Variants in TTN observed in about 807,000 individuals in gnomAD.
TTN encodes the protein titin, also known as connectin.
TTN carries 1,525 observed loss-of-function variants against 3,223.0 expected under a neutral mutation model. The observed-to-expected ratio is 0.47, with a 90% CI of 0.45 to 0.49. TTN has a LOEUF of 0.49. Ranked by LOEUF, TTN falls within the 20% of genes least tolerant of loss-of-function variation. The pLI, the probability that TTN is intolerant of heterozygous loss-of-function variation, is 0.00. For synonymous variants in TTN, 14,094 were observed against 15,161.0 expected (o/e 0.93, Z 5.17); for missense variants, 40,786 against 43,424.0 (o/e 0.94, Z 5.40).
chr2:178,654,156 G>A (rs923316611), intron 193 of TTN, 52 bp downstream of exon 193: 4 of 1,590,836 alleles, frequency 2.5e-6, no homozygotes, highest in African/African-American at 1.3e-5. Flanking sequence ...TACAGTGATT[G>A]TGAGGGGTAC....
rs760185866 is a variant in TTN, at chr2:178,530,460, C to T, written c.106155G>A (p.Lys35385=). Residue 35385 remains lysine, a synonymous_variant, in exon 358 of 363, where the codon AAG becomes AAA. Coordinates refer to ENST00000589042, the MANE Select transcript of TTN (RefSeq NM_001267550.2). The part of the protein sequence containing the change: ...MGQAFKSIHE[K]VSKISETKKS... Reference sequence around the variant, plus strand: ...TCTTAGTTTCTGATATTTTTGATACCTTCTCATGGATACTCTTAAAGGCTT... The same window carrying T: ...TCTTAGTTTCTGATATTTTTGATACTTTCTCATGGATACTCTTAAAGGCTT... 1.9e-6 allele frequency: 3 copies of T among 1,613,904 alleles called. No individual in the cohort carries two copies. Among genetic ancestry groups the T allele is most frequent in the Non-Finnish European group, 1.7e-6 (2 of 1,179,858 alleles).
chr2:178,596,138 G>A (rs914529507), intron 294 of TTN, among the ~76,000 whole-genome samples: 1 of 151,864 alleles, frequency 6.6e-6, no homozygotes, highest in Non-Finnish European at 1.5e-5. Context: ...CTACAGGCAT[G>A]TGCCACCATA....
At chr2:178,721,806 A>G (rs2078409507) in intron 78 of TTN, 41 bp downstream of exon 78, 2 of 1,439,200 alleles carry the variant, frequency 1.4e-6, no homozygotes, top group Non-Finnish European at 1.8e-6. Flanking sequence ...TTATGCAAAT[A>G]TGGTAAGGAA....
Position 178,732,173 on chromosome 2 carries a change from G to A in TTN, c.16796C>T (p.Ala5599Val), listed in dbSNP as rs1194013551. Residue 5599 changes from alanine (A) to valine (V), a missense_variant, in exon 57 of 363, where the codon GCA (alanine) becomes GTA (valine). Transcript: ENST00000589042. ...KHRMSFVEST[A>V]VLRLTDVGIE... Reference sequence around the variant, plus strand: ...GCCAACATCTGTCAGTCTTAGAACTGCAGTAGACTCCACAAAAGACATTCT... The same window carrying A: ...GCCAACATCTGTCAGTCTTAGAACTACAGTAGACTCCACAAAAGACATTCT... The A allele has an allele frequency of 1.2e-6, 2 of 1,613,792 alleles. No individual in the cohort carries two copies. Among genetic ancestry groups the A allele is most frequent in the South Asian group, 2.2e-5 (2 of 91,074 alleles).
intron 47 of TTN, 47 bp downstream of exon 47, chr2:178,753,077 A>C: frequency 6.7e-7 from 1 of 1,490,892 alleles, no homozygotes; most frequent in Non-Finnish European, 9.3e-7. Context: ...GGATCCTATT[A>C]ATCCTTTAGA....
chr2:178,788,997 A>G (rs2093350740), intron 13 of TTN, among the ~76,000 whole-genome samples: 2 of 152,098 alleles, frequency 1.3e-5, no homozygotes, highest in East Asian at 3.8e-4. Flanking sequence ...TCTTCTTGAC[A>G]GTGAGTAAGA....
intron 295 of TTN, 74 bp downstream of exon 295, chr2:178,595,433 A>T: frequency 7.1e-7 from 1 of 1,403,008 alleles, no homozygotes; most frequent in Non-Finnish European, 9.7e-7. Flanking sequence ...ATTTATACAC[A>T]TATTTTTTCA....
rs772125136 is a variant in TTN at position 178,693,601 on chromosome 2, A to T, written c.31594+8T>A. Reference sequence around the variant, plus strand: ...AAAGAGTTTAAACTTAGAATGAATTACTAATACCTTTAGGTGGTGGTTCAA... The same window carrying T: ...AAAGAGTTTAAACTTAGAATGAATTTCTAATACCTTTAGGTGGTGGTTCAA... On this transcript the variant is annotated splice_region_variant and intron_variant, in intron 119 of 362. Coordinates refer to ENST00000589042, the MANE Select transcript of TTN (RefSeq NM_001267550.2). 1 of 1,552,576 alleles carries T rather than the reference A, an allele frequency of 6.4e-7. No homozygotes were observed. The highest frequency in any genetic ancestry group is 8.8e-7 in the Non-Finnish European group (1 of 1,142,754).
intron 47 of TTN, chr2:178,750,270 G>C (rs2154329953): frequency 6.2e-7 from 1 of 1,613,240 alleles, no homozygotes; most frequent in African/African-American, 1.3e-5. Context: ...GGGACTTTAT[G>C]TGCTTTGACA....
chr2:178,563,742 A>G lies in TTN; in HGVS notation c.82390T>C (p.Cys27464Arg), dbSNP rs1704578437. The change falls in exon 326 of 363, where the codon TGT becomes CGT. Residue 27464 changes from cysteine to arginine, a missense_variant. Physicochemically the swap from Cys to Arg is radical, Grantham distance 180 (BLOSUM62 -3). Transcript: ENST00000589042. The surrounding 1 kb of genome is among the most constrained non-coding windows in gnomAD (Gnocchi z 4.5). ...GGACCTGGTGGCTTATAAGGATTACAGGCCGTAACAGGCCCAGATTCCAAG... is the reference window on the plus strand; with the variant it reads ...GGACCTGGTGGCTTATAAGGATTACGGGCCGTAACAGGCCCAGATTCCAAG... ...EPLESGPVTA[C>R]NPYKPPGPPS... 6.2e-7 allele frequency: 1 copy of G among 1,613,588 alleles called. No homozygotes were observed. The highest frequency in any genetic ancestry group is 1.7e-5 in the Admixed American group (1 of 59,960).
In TTN at chr2:178,528,540, T is replaced by C; in HGVS notation, c.107211A>G (p.Lys35737=). ...TAATTAAACTTACTGGCAGGTTGTT[T>C]TTAAACCATTCGATTTCAGGGGATG... The part of the protein sequence containing the change: ...GEPSPEIEWF[K]NNLPISISSN... Residue 35737 remains lysine, a synonymous_variant, in exon 360 of 363, where the codon AAA becomes AAG. Coordinates refer to ENST00000589042, the MANE Select transcript of TTN (RefSeq NM_001267550.2). The C allele has an allele frequency of 6.2e-7, 1 of 1,608,636 alleles. No individual in the cohort carries two copies. The highest frequency in any genetic ancestry group is 8.5e-7 in the Non-Finnish European group (1 of 1,176,586).
At position 178,713,993 on chromosome 2, in the gene TTN, T is replaced by C. The variant is rs879115210; in HGVS notation, c.26665A>G (p.Ile8889Val). 1.9e-6 allele frequency: 3 copies of C among 1,613,662 alleles called. No homozygotes were observed. The highest frequency in any genetic ancestry group is 2.5e-6 in the Non-Finnish European group (3 of 1,179,698). The change falls in exon 92 of 363, where the codon ATC (isoleucine) becomes GTC (valine). Residue 8889 changes from isoleucine to valine, a missense_variant. Transcript: ENST00000589042. ...SFFNKVSGLK[I>V]INVAPSDSGV... ...CTGTCACTCGGTGCTACATTGATGA[T>C]CTTAAGGCCGGATACTTTGTTGAAG...
In TTN at chr2:178,783,070, G is replaced by A. The variant is rs2154350132; in HGVS notation, c.2842-6C>T. 1 of 1,613,790 alleles carries A rather than the reference G, an allele frequency of 6.2e-7. No homozygotes were observed. Among genetic ancestry groups the A allele is most frequent in the Admixed American group, 1.7e-5 (1 of 60,012 alleles). The stretch of plus-strand genomic sequence containing the variant: ...ACAGTCACATTTTTTAAGCCCTGAA[G>A]AGAGGAGAAAAAATAAATAATGATA... On this transcript the variant is annotated splice_polypyrimidine_tract_variant and splice_region_variant and intron_variant, in intron 17 of 362. Transcript: ENST00000589042.
chr2:178,747,073 G>T (rs2083814449), intron 47 of TTN: 2 of 1,612,568 alleles, frequency 1.2e-6, no homozygotes, highest in Non-Finnish European at 1.7e-6. Flanking sequence ...CCTCCCCTGG[G>T]GGTGTGGAAT....
chr2:178,731,485 C>A lies in TTN; in HGVS notation c.17281G>T (p.Val5761Leu). The change falls in exon 59 of 363, where the codon GTG (valine) becomes TTG (leucine). Residue 5761 changes from valine to leucine, a missense_variant. Coordinates refer to ENST00000589042, the MANE Select transcript of TTN (RefSeq NM_001267550.2). ...TCATCGCTGTCTTTTAGCCAAGTCACCGTAATTGGCAAGGAGCCCTTCAGA... is the reference window on the plus strand; with the variant it reads ...TCATCGCTGTCTTTTAGCCAAGTCAACGTAATTGGCAAGGAGCCCTTCAGA... ...ATLKGSLPIT[V>L]TWLKDSDEIT... 6.2e-7 allele frequency: 1 copy of A among 1,613,658 alleles called. No individual in the cohort carries two copies. The highest frequency in any genetic ancestry group is 8.5e-7 in the Non-Finnish European group (1 of 1,179,742).
rs1708660987 is a variant in TTN, at chr2:178,572,687, G to A, written c.73445C>T (p.Thr24482Ile). The A allele has an allele frequency of 6.2e-7, 1 of 1,613,300 alleles. No individual in the cohort carries two copies. Among genetic ancestry groups the A allele is most frequent in the Non-Finnish European group, 8.5e-7 (1 of 1,179,574 alleles). The change falls in exon 326 of 363, where the codon ACC becomes ATC. Residue 24482 changes from threonine (T) to isoleucine (I), a missense_variant. Coordinates refer to ENST00000589042, the MANE Select transcript of TTN (RefSeq NM_001267550.2). ...GTTTACATTTCCAACAATAAGCAGG[G>A]TGTAAGAGCTTGTGGATTCGATGCT... Reference protein sequence around the residue: ...KASIESTSSYTLLIVGNVNRF... With the variant: ...KASIESTSSYILLIVGNVNRF...
intron 47 of TTN, chr2:178,745,442 A>C: frequency 6.8e-7 from 1 of 1,465,530 alleles, no homozygotes. Flanking sequence ...TTCTACATAG[A>C]GATTATTTCT....
chr2:178,712,780 T>C lies in TTN; in HGVS notation c.27245A>G (p.Asp9082Gly). Reference sequence around the variant, plus strand: ...AGTATATTCTCCACTTTGTGATGTATCTACATCGAACAACTCCAGTTCAGC... The same window carrying C: ...AGTATATTCTCCACTTTGTGATGTACCTACATCGAACAACTCCAGTTCAGC... ...SVAELELFDV[D>G]TSQSGEYTCI... The change falls in exon 94 of 363, where the codon GAT becomes GGT. Residue 9082 changes from aspartate (D) to glycine (G), a missense_variant. Physicochemically the swap from Asp to Gly is moderately conservative, Grantham distance 94. Transcript: ENST00000589042. 1.9e-6 allele frequency: 3 copies of C among 1,613,846 alleles called. No individual in the cohort carries two copies. Among genetic ancestry groups the C allele is most frequent in the Non-Finnish European group, 2.5e-6 (3 of 1,179,800 alleles).
rs542575761 is a variant in TTN, at chr2:178,527,300, C to T, written c.107688G>A (p.Pro35896=). 4.5e-5 allele frequency: 71 copies of T among 1,589,870 alleles called. No individual in the cohort carries two copies. The East Asian group carries it at 7.2e-4, about 16-fold the overall frequency. The change falls in exon 363 of 363, where the codon CCG becomes CCA. Residue 35896 remains proline (P), a synonymous_variant. Transcript: ENST00000589042. ...CAGATGGAAGAGCTTCAATTTTAGG[C>T]GGAATTCCTTTATGGAACAATGACA... ...KMLKAGIRGI[P]PKIEALPSDI... is the part of the protein sequence containing the mutation.
Sources: gnomAD v4.1 joint callset for allele counts (sites outside exome capture counted in the v4.1 genomes callset) on GRCh38, gnomAD v4.1.1 for gene constraint, Gnocchi (gnomAD v3.1) non-coding constraint, MANE v1.5 for transcripts, NCBI Gene and HGNC (gene_info 2026-07-23, HGNC 2026-07-21) for gene names.